Variants in SLC39A11 observed in about 807,000 individuals in gnomAD.
The protein encoded by SLC39A11 is zinc transporter ZIP11.
SLC39A11 carries 33 observed loss-of-function variants against 36.1 expected under a neutral mutation model. The ratio of observed to expected loss-of-function variants is 0.91; its 90% CI spans 0.69 to 1.22. SLC39A11 has a LOEUF of 1.22. SLC39A11 is among the 50% of genes most tolerant of loss of function. SLC39A11 has a pLI of 0.00. For synonymous variants in SLC39A11, 166 were observed against 170.3 expected, an observed-to-expected ratio of 0.97 and a Z score of 0.20; for missense variants, 432 against 430.3, an observed-to-expected ratio of 1.00 and a Z score of -0.03.
At chr17:72,952,904 G>A (rs1475817308) in intron 4 of SLC39A11, among the ~76,000 whole-genome samples, 8 of 152,176 alleles carry the variant, frequency 5.3e-5, no homozygotes, top group African/African-American at 1.7e-4. Context: ...CAGTGCTTCA[G>A]GTAGGCCTCT....
At chr17:72,886,161 C>T (rs2081428113) in intron 5 of SLC39A11, among the ~76,000 whole-genome samples, 1 of 152,220 alleles carries the variant, frequency 6.6e-6, no homozygotes, top group African/African-American at 2.4e-5. Flanking sequence ...AAATGGAGGA[C>T]CCTGGTGCTC....
intron 5 of SLC39A11, among the ~76,000 whole-genome samples, chr17:72,892,470 T>C (rs528873350): frequency 6.6e-6 from 1 of 150,458 alleles, no homozygotes; most frequent in South Asian, 2.1e-4. Flanking sequence ...AAACACAGAA[T>C]CTCCTCTTGA....
intron 4 of SLC39A11, among the ~76,000 whole-genome samples, chr17:72,980,562 T>C (rs1035811298): frequency 1.3e-5 from 2 of 152,128 alleles, no homozygotes; most frequent in African/African-American, 4.8e-5. Flanking sequence ...ATGCTAAAGT[T>C]CACATGGGAA....
At chr17:72,871,222 C>T (rs953180085) in intron 5 of SLC39A11, among the ~76,000 whole-genome samples, 5 of 151,762 alleles carry the variant, frequency 3.3e-5, no homozygotes, top group South Asian at 2.1e-4. Flanking sequence ...CCACAATGCC[C>T]GGCTAATTTT....
intron 3 of SLC39A11, among the ~76,000 whole-genome samples, chr17:73,075,562 T>C (rs954901815): frequency 6.6e-6 from 1 of 152,222 alleles, no homozygotes; most frequent in African/African-American, 2.4e-5. Context: ...GTTCAAATCC[T>C]GGATATGAGG....
chr17:72,824,427 C>G (rs970578820), intron 6 of SLC39A11, among the ~76,000 whole-genome samples: 6 of 151,220 alleles, frequency 4.0e-5, no homozygotes. Flanking sequence ...TCAGGTAGTT[C>G]TTTATAGCAA....
At chr17:72,888,202 C>T (rs369840330) in intron 5 of SLC39A11, among the ~76,000 whole-genome samples, 3 of 152,164 alleles carry the variant, frequency 2.0e-5, no homozygotes, top group East Asian at 3.8e-4. Context: ...AAATGAAACC[C>T]TGAGTCTAAA....
chr17:72,897,052 C>CAAAAAAAAAAAAAAAAAAAAAAA (rs10656675), intron 5 of SLC39A11, among the ~76,000 whole-genome samples: 1 of 64,178 alleles, frequency 1.6e-5, no homozygotes, highest in Admixed American at 2.0e-4. Flanking sequence ...GACTCTGTCT[C>CAAAAAAAAAAAAAAAAAAAAAAA]AAAAAAAAAA....
intron 5 of SLC39A11, among the ~76,000 whole-genome samples, chr17:72,926,855 G>A (rs996716638): frequency 2.0e-5 from 3 of 152,072 alleles, no homozygotes; most frequent in Non-Finnish European, 2.9e-5. Context: ...ACCCCAGGGG[G>A]ACACCTGGGG....
intron 7 of SLC39A11, among the ~76,000 whole-genome samples, chr17:72,719,743 G>A (rs958999031): frequency 1.3e-5 from 2 of 152,206 alleles, no homozygotes; most frequent in African/African-American, 2.4e-5. Context: ...GGCTAACAGA[G>A]TATACGTTGT....
chr17:72,728,982 A>G (rs936980741), intron 7 of SLC39A11, among the ~76,000 whole-genome samples: 3 of 152,158 alleles, frequency 2.0e-5, no homozygotes, highest in African/African-American at 2.4e-5. Context: ...GGTCATCACA[A>G]CATCCAGTAT....
In SLC39A11 at chr17:72,891,958, A is replaced by G. The variant is rs942126059; in HGVS notation, c.431-42154T>C. Among the ~76,000 whole-genome samples, 39 of 152,316 alleles carry G rather than the reference A, an allele frequency of 2.6e-4. 1 individual carries two copies. The highest frequency in any genetic ancestry group is 3.4e-3 in the Middle Eastern group (1 of 294). Reference sequence around the variant, plus strand: ...CTTCTGCAGCCTCAGGGCCTAGCACAGTGTCCAGCACACAGTAGGTGCTCA... The same window carrying G: ...CTTCTGCAGCCTCAGGGCCTAGCACGGTGTCCAGCACACAGTAGGTGCTCA... On this transcript the variant is annotated intron_variant, in intron 5 of 9. Coordinates refer to ENST00000255559, the MANE Select transcript of SLC39A11 (RefSeq NM_139177.4).
At chr17:72,736,471 T>A (rs1173860034) in intron 7 of SLC39A11, among the ~76,000 whole-genome samples, 179 bp downstream of exon 7, 1 of 152,176 alleles carries the variant, frequency 6.6e-6, no homozygotes, top group South Asian at 2.1e-4. Context: ...ACTCCTCTCT[T>A]AGGAGACTCC....
At chr17:72,742,354 C>T (rs577920575) in intron 6 of SLC39A11, among the ~76,000 whole-genome samples, 55 of 152,264 alleles carry the variant, frequency 3.6e-4, no homozygotes, top group African/African-American at 1.2e-3. Flanking sequence ...GGGAGCTGCC[C>T]GTGTCCATGG....
intron 5 of SLC39A11, among the ~76,000 whole-genome samples, chr17:72,882,797 C>CTTTTTTTTTTTTTTTTTTTTCTTTT (rs972532779): frequency 3.3e-5 from 2 of 60,604 alleles, no homozygotes; most frequent in African/African-American, 2.5e-4. Context: ...GAGAATGCTT[C>CTTTTTTTTTTTTTTTTTTTTCTTTT]TTTTTTTTTT....
intron 6 of SLC39A11, among the ~76,000 whole-genome samples, chr17:72,833,147 T>C (rs2078360870): frequency 6.6e-6 from 1 of 152,214 alleles, no homozygotes; most frequent in Non-Finnish European, 1.5e-5. Flanking sequence ...TCCATTATAA[T>C]CAAATAAAAA....
intron 7 of SLC39A11, among the ~76,000 whole-genome samples, chr17:72,659,968 C>A (rs1598256348): frequency 1.3e-5 from 2 of 152,210 alleles, no homozygotes; most frequent in South Asian, 2.1e-4. Context: ...AACACCCCAG[C>A]CATACCTCAG....
intron 6 of SLC39A11, among the ~76,000 whole-genome samples, chr17:72,763,906 C>A (rs985651467): frequency 1.3e-5 from 2 of 152,164 alleles, no homozygotes; most frequent in Non-Finnish European, 2.9e-5. Flanking sequence ...CAGATGAACC[C>A]AGCTCACCTG....
Position 73,092,609 on chromosome 17 carries a change from A to C in SLC39A11, c.-12+2T>G, listed in dbSNP as rs1599269654. 6.5e-6 allele frequency: 1 copy of C among 152,870 alleles called. No homozygotes were observed. The highest frequency in any genetic ancestry group is 1.5e-5 in the Non-Finnish European group (1 of 68,528). The allele number at this position is 152,870 out of a possible 1,614,324, so 9.5% of individuals were successfully genotyped here. On this transcript the variant is annotated splice_donor_variant, in intron 1 of 9. Transcript: ENST00000255559. LOFTEE classifies it low-confidence loss of function (5UTR_SPLICE). ...CACCGAAGGAGAGAAAAGCCAACTC[A>C]CTAGGGTGCCCTCTCCAGCCCCCAC...
Sources: gnomAD v4.1 joint callset for allele counts (sites outside exome capture counted in the v4.1 genomes callset) on GRCh38, gnomAD v4.1.1 for gene constraint, MANE v1.5 for transcripts, NCBI Gene and HGNC (gene_info 2026-07-23, HGNC 2026-07-21) for gene names.